The following CNBD1 variants were observed in gnomAD, a reference collection of about 807,000 sequenced individuals.
The protein encoded by CNBD1 is cyclic nucleotide binding domain containing 1, also known as cyclic nucleotide-binding domain-containing protein 1.
CNBD1 carries 71 observed loss-of-function variants against 54.4 expected under a neutral mutation model. The observed-to-expected ratio is 1.30, with a 90% confidence interval of 1.08 to 1.59. The LOEUF is 1.59. Among genes scored for constraint, CNBD1 ranks in the 40% most tolerant of loss-of-function variants. CNBD1 has a pLI of 0.00. For synonymous variants in CNBD1, 182 were observed against 170.7 expected, an observed-to-expected ratio of 1.07 and a Z score of -0.51; for missense variants, 659 against 518.0, an observed-to-expected ratio of 1.27 and a Z score of -2.64.
chr8:86,873,085 G>A (rs1043044845), intron 1 of CNBD1, among the ~76,000 whole-genome samples: 1 of 150,148 alleles, frequency 6.7e-6, no homozygotes, highest in African/African-American at 2.5e-5. Flanking sequence ...TTTTGTTGTT[G>A]TTGTTGTTGT....
intron 2 of CNBD1, among the ~76,000 whole-genome samples, chr8:87,416,546 C>A (rs568231931): frequency 4.6e-5 from 7 of 151,998 alleles, no homozygotes; most frequent in Non-Finnish European, 4.4e-5. Context: ...AAGACCAGAA[C>A]AGGGTTGGAG....
At chr8:87,265,873 AT>A (rs1808245927) in intron 6 of CNBD1, among the ~76,000 whole-genome samples, 1 of 152,138 alleles carries the variant, frequency 6.6e-6, no homozygotes, top group African/African-American at 2.4e-5. Flanking sequence ...TGAGTAAAAT[AT>A]TAGAAAACAT....
At chr8:86,998,221 T>TA (rs1276117231) in intron 4 of CNBD1, among the ~76,000 whole-genome samples, 2 of 151,678 alleles carry the variant, frequency 1.3e-5, no homozygotes, top group East Asian at 1.9e-4. Flanking sequence ...TTTTTTTTTT[T>TA]AATATATATT....
intron 8 of CNBD1, among the ~76,000 whole-genome samples, chr8:87,297,516 G>A (rs1384602699): frequency 6.6e-6 from 1 of 152,116 alleles, no homozygotes; most frequent in South Asian, 2.1e-4. Flanking sequence ...TTAAATCTGT[G>A]TAAAGATTAA....
At chr8:87,044,223 GT>G (rs1483919343) in intron 4 of CNBD1, among the ~76,000 whole-genome samples, 1 of 148,962 alleles carries the variant, frequency 6.7e-6, no homozygotes, top group South Asian at 2.1e-4. Flanking sequence ...TTTTTTTTTT[GT>G]TTTTTTGCAA....
At chr8:87,110,779 A>T (rs536321558) in intron 4 of CNBD1, among the ~76,000 whole-genome samples, 1 of 152,378 alleles carries the variant, frequency 6.6e-6, no homozygotes, top group East Asian at 1.9e-4. Context: ...CCCTGGGGCA[A>T]ATCAACAAAT....
chr8:87,185,359 G>T (rs963767839), intron 4 of CNBD1, among the ~76,000 whole-genome samples: 1 of 151,964 alleles, frequency 6.6e-6, no homozygotes, highest in African/African-American at 2.4e-5. Flanking sequence ...ACTTCTTCGC[G>T]TAGTAATTTT....
At chr8:86,960,008 A>T (rs962832194) in intron 4 of CNBD1, among the ~76,000 whole-genome samples, 6 of 152,000 alleles carry the variant, frequency 3.9e-5, no homozygotes, top group Non-Finnish European at 7.4e-5. Context: ...TTGGTCTTTG[A>T]TGATGGTGAC....
At chr8:86,894,394 A>C (rs961707350) in intron 2 of CNBD1, among the ~76,000 whole-genome samples, 1 of 152,184 alleles carries the variant, frequency 6.6e-6, no homozygotes, top group Non-Finnish European at 1.5e-5. Flanking sequence ...TTGGCTTTAC[A>C]AAAAAATTGA....
rs538581762 is a variant in CNBD1, at chr8:87,377,544, G to C, written c.1304-5076G>C. On this transcript the variant is annotated intron_variant, in intron 10 of 10. Coordinates refer to ENST00000518476, the MANE Select transcript of CNBD1 (RefSeq NM_173538.3). ...ATATGTGCCACATTTTCTTAATCCA[G>C]TCTATCATTGTTGGACATTTGTGTT... Among the ~76,000 whole-genome samples, 336 of 151,816 alleles carry C rather than the reference G, an allele frequency of 2.2e-3. 4 individuals are homozygous for C. The highest frequency in any genetic ancestry group is 7.4e-3 in the African/African-American group (304 of 41,240).
At position 87,284,749 on chromosome 8, in the gene CNBD1, G is replaced by A. The variant is rs745822038; in HGVS notation, c.843G>A (p.Ser281=). The change falls in exon 7 of 11, where the codon TCG becomes TCA. Residue 281 remains serine (S), a synonymous_variant. Transcript: ENST00000518476. The stretch of plus-strand genomic sequence containing the variant: ...ATGAATCGGAAACACAGATGTTCTC[G>A]GTGGTGACAGAAGACGATTGTGAAA... The part of the protein sequence containing the change: ...PQNESETQMF[S]VVTEDDCEIL... The A allele has an allele frequency of 2.1e-5, 34 of 1,602,350 alleles. No homozygotes were observed. The highest frequency in any genetic ancestry group is 7.9e-5 in the South Asian group (7 of 88,610).
At chr8:87,208,580 T>A (rs1366252070) in intron 5 of CNBD1, among the ~76,000 whole-genome samples, 1 of 152,028 alleles carries the variant, frequency 6.6e-6, no homozygotes, top group Non-Finnish European at 1.5e-5. Flanking sequence ...ATTTTTATGA[T>A]TGATAACCTA....
At chr8:87,058,800 C>A (rs1469052487) in intron 4 of CNBD1, among the ~76,000 whole-genome samples, 1 of 152,184 alleles carries the variant, frequency 6.6e-6, no homozygotes, top group Non-Finnish European at 1.5e-5. Flanking sequence ...ATGGGAAGGT[C>A]TCTGACATGC....
At chr8:87,025,015 G>A (rs910668065) in intron 4 of CNBD1, among the ~76,000 whole-genome samples, 13 of 152,196 alleles carry the variant, frequency 8.5e-5, no homozygotes, top group African/African-American at 2.4e-4. Context: ...ATTGTTGGGT[G>A]AGATGAATGA....
At chr8:87,386,616 C>A (rs1811195950), downstream of CNBD1, among the ~76,000 whole-genome samples, 1 of 152,034 alleles carries the variant, frequency 6.6e-6, no homozygotes, top group Non-Finnish European at 1.5e-5. Flanking sequence ...GTGAAAAGAA[C>A]AAATCTACAT....
At chr8:86,912,810 A>G (rs1809120946) in intron 3 of CNBD1, among the ~76,000 whole-genome samples, 1 of 152,142 alleles carries the variant, frequency 6.6e-6, no homozygotes, top group Admixed American at 6.5e-5. Flanking sequence ...TGTGTGTGTT[A>G]TTGTCCCTGA....
At chr8:87,036,270 A>G (rs1462842140) in intron 4 of CNBD1, among the ~76,000 whole-genome samples, 6 of 152,092 alleles carry the variant, frequency 3.9e-5, no homozygotes, top group African/African-American at 1.2e-4. Context: ...TTAAATCTCT[A>G]TTTATTGTTC....
intron 8 of CNBD1, among the ~76,000 whole-genome samples, chr8:87,298,089 CATA>C (rs1191702175): frequency 8.6e-5 from 13 of 151,768 alleles, no homozygotes; most frequent in African/African-American, 2.2e-4. Context: ...TATTTACAGA[CATA>C]ATAATTATTT....
intron 8 of CNBD1, among the ~76,000 whole-genome samples, chr8:87,320,580 T>G (rs1032118703): frequency 4.0e-5 from 6 of 148,800 alleles, no homozygotes; most frequent in African/African-American, 1.5e-4. Flanking sequence ...AATGGTCTTA[T>G]TTTTCAAAAG....
Sources: allele counts gnomAD v4.1 joint callset (sites outside exome capture counted in the v4.1 genomes callset), GRCh38; gene constraint gnomAD v4.1.1; transcripts MANE v1.5; gene names NCBI Gene and HGNC (gene_info 2026-07-23, HGNC 2026-07-21).